The following LAMB1 variants were observed in gnomAD, a reference collection of about 807,000 sequenced individuals.
The protein encoded by LAMB1 is laminin subunit beta 1.
A neutral mutation model predicts 222.3 loss-of-function variants in LAMB1; 121 were observed. The ratio of observed to expected loss-of-function variants is 0.54; its 90% CI spans 0.47 to 0.63. LAMB1 has a LOEUF of 0.63. Ranked by LOEUF, LAMB1 falls within the 30% of genes least tolerant of loss-of-function variation. LAMB1 has a pLI of 0.00. For synonymous variants in LAMB1, 794 were observed against 807.2 expected, an observed-to-expected ratio of 0.98 and a Z score of 0.28; for missense variants, 2,172 against 2,240.8, an observed-to-expected ratio of 0.97 and a Z score of 0.62.
chr7:107,950,864 G>A (rs1274280864), intron 24 of LAMB1, among the ~76,000 whole-genome samples: 1 of 151,994 alleles, frequency 6.6e-6, no homozygotes. Flanking sequence ...CAAACATAGG[G>A]TTCACATGGT....
intron 13 of LAMB1, among the ~76,000 whole-genome samples, chr7:107,969,540 T>C (rs2033703032): frequency 6.6e-6 from 1 of 152,200 alleles, no homozygotes; most frequent in Admixed American, 6.5e-5. Flanking sequence ...TGGTAAGACC[T>C]ACGTCCTATA....
At chr7:107,945,736 C>T (rs373479167) in intron 24 of LAMB1, among the ~76,000 whole-genome samples, 1 of 152,222 alleles carries the variant, frequency 6.6e-6, no homozygotes, top group South Asian at 2.1e-4. Context: ...TACTTACCCC[C>T]ATAGGTTCTT....
intron 5 of LAMB1, among the ~76,000 whole-genome samples, chr7:107,991,698 C>T (rs1041875711): frequency 4.6e-5 from 7 of 152,098 alleles, no homozygotes; most frequent in African/African-American, 1.7e-4. Flanking sequence ...ATCATGAGGT[C>T]AGGAGTTCAA....
At chr7:107,966,242 G>A (rs1394535840) in intron 13 of LAMB1, among the ~76,000 whole-genome samples, 11 of 151,678 alleles carry the variant, frequency 7.3e-5, no homozygotes, top group Non-Finnish European at 1.5e-4. Context: ...ATGGAGTCTC[G>A]CACTGTCGCC....
In LAMB1 at chr7:107,986,274, C is replaced by T; in HGVS notation, c.513G>A (p.Glu171=). The change falls in exon 6 of 34, where the codon GAG becomes GAA. Residue 171 remains glutamate, a synonymous_variant. Transcript: ENST00000222399. ...CAGTTGAAATGCCTGGAAACGAGGC[C>T]TCACAGTCATAGGCGAAGTATCTAT... ...GVYRYFAYDC[E]ASFPGISTGP... 1 of 1,614,070 alleles carries T rather than the reference C, an allele frequency of 6.2e-7. No individual in the cohort carries two copies. Among genetic ancestry groups the T allele is most frequent in the Non-Finnish European group, 8.5e-7 (1 of 1,179,968 alleles).
chr7:107,975,478 CATA>C, intron 10 of LAMB1, 65 bp from the exon 11 acceptor site: 1 of 1,429,814 alleles, frequency 7.0e-7, no homozygotes, highest in African/African-American at 1.4e-5. Flanking sequence ...TGTATAAATA[CATA>C]TATTCCCTTC....
chr7:107,964,345 G>A (rs1386123092), intron 14 of LAMB1, among the ~76,000 whole-genome samples: 1 of 152,200 alleles, frequency 6.6e-6, no homozygotes, highest in East Asian at 1.9e-4. Context: ...AGCCTTATCA[G>A]TGAATGCTCC....
Position 107,978,568 on chromosome 7 carries a change from A to C in LAMB1, c.880-401T>G, listed in dbSNP as rs533447367. The stretch of plus-strand genomic sequence containing the variant: ...AATGCATACATACCACCTGGAAACC[A>C]ATTTATATTACTGCACGATTTACCA... On this transcript the variant is annotated intron_variant, in intron 8 of 33. Coordinates refer to ENST00000222399, the MANE Select transcript of LAMB1 (RefSeq NM_002291.3). 7.9e-5 allele frequency among the ~76,000 whole-genome samples: 12 copies of C among 152,302 alleles called. No homozygotes were observed. In the East Asian group the frequency reaches 2.1e-3, roughly 27 times the overall value.
intron 24 of LAMB1, among the ~76,000 whole-genome samples, chr7:107,950,606 T>C (rs1333055771): frequency 2.0e-5 from 3 of 152,318 alleles, no homozygotes; most frequent in African/African-American, 7.2e-5. Context: ...TTTATTCACA[T>C]TAAACTGACT....
At chr7:107,990,037 G>T (rs2528656) in intron 5 of LAMB1, among the ~76,000 whole-genome samples, 36,074 of 148,358 alleles carry the variant, frequency 0.24, 5,502 homozygotes, top group African/African-American at 0.46. Context: ...GTTTTTTTTT[G>T]TTTGTTTGTT....
intron 14 of LAMB1, among the ~76,000 whole-genome samples, chr7:107,963,913 A>G (rs982757735): frequency 6.6e-6 from 1 of 152,222 alleles, no homozygotes; most frequent in Non-Finnish European, 1.5e-5. Flanking sequence ...AGCCTGACCA[A>G]CATGATGAAA....
rs200599445 is a variant in LAMB1, at chr7:107,935,347, GTTTTTTTTTTT to G, written c.4188+57_4188+67del. ...GACAAAAGATGGTTTGTTTTTCTTT[GTTTTTTTTTTT>G]TTTTTTTTTTTTTTTGCTTGGCACC... On this transcript the variant is annotated intron_variant, in intron 27 of 33. Coordinates refer to ENST00000222399, the MANE Select transcript of LAMB1 (RefSeq NM_002291.3). 1.7e-4 allele frequency: 195 copies of G among 1,172,008 alleles called. 1 individual carries two copies. The highest frequency in any genetic ancestry group is 1.2e-3 in the Middle Eastern group (4 of 3,266). 72.6% of individuals were successfully genotyped at this position (1,172,008 alleles called of 1,614,324 possible).
chr7:107,964,923 T>C (rs1422788494), intron 13 of LAMB1, among the ~76,000 whole-genome samples: 1 of 152,264 alleles, frequency 6.6e-6, no homozygotes, highest in Non-Finnish European at 1.5e-5. Flanking sequence ...CTCTCTTGAC[T>C]AACACGCCGT....
intron 24 of LAMB1, among the ~76,000 whole-genome samples, chr7:107,944,922 A>C (rs1435655002): frequency 6.6e-6 from 1 of 152,188 alleles, no homozygotes; most frequent in East Asian, 1.9e-4. Flanking sequence ...TTCTCTCTTA[A>C]GAGAAAGGAA....
intron 7 of LAMB1, among the ~76,000 whole-genome samples, chr7:107,984,259 G>GT (rs1008901536): frequency 3.3e-5 from 5 of 151,624 alleles, no homozygotes; most frequent in African/African-American, 9.7e-5. Flanking sequence ...TCATTTTTTT[G>GT]TTTTTTTGAG....
In LAMB1 at chr7:107,975,036, G is replaced by A. The variant is rs779112912; in HGVS notation, c.1432C>T (p.His478Tyr). 5 of 1,613,206 alleles carry A rather than the reference G, an allele frequency of 3.1e-6. No individual in the cohort carries two copies. The South Asian group carries it at 3.3e-5, about 11-fold the overall frequency. The change falls in exon 12 of 34, where the codon CAC (histidine) becomes TAC (tyrosine). Residue 478 changes from histidine (H) to tyrosine (Y), a missense_variant. By Grantham distance (83) the His-to-Tyr change is moderately conservative. Coordinates refer to ENST00000222399, the MANE Select transcript of LAMB1 (RefSeq NM_002291.3). ...GTCACCAGACGCTTGCAGTAGCAGT[G>A]ACCTGTCTCGGAATCACAAGGATTC... ...GGNPCDSETGHCYCKRLVTGQ... is the reference protein window; with the variant it reads ...GGNPCDSETGYCYCKRLVTGQ...
intron 27 of LAMB1, among the ~76,000 whole-genome samples, chr7:107,934,920 A>AGGGG (rs1285622534): frequency 6.6e-4 from 4 of 6,042 alleles, no homozygotes; most frequent in Non-Finnish European, 1.2e-3. Context: ...AAAAAAAAAA[A>AGGGG]GCGGGGGTGG....
At position 107,935,427 on chromosome 7, in the gene LAMB1, G is replaced by C. The variant is rs143385719; in HGVS notation, c.4176C>G (p.Ala1392=). Residue 1392 remains alanine, a synonymous_variant, in exon 27 of 34, where the codon GCC becomes GCG. Coordinates refer to ENST00000222399, the MANE Select transcript of LAMB1 (RefSeq NM_002291.3). ...AGKLQSLDLS[A]AAEMTCGTPP... ...CCCCAAACCTTACCATTTCGGCAGC[G>C]GCTGAAAGGTCTAGGCTTTGTAGCT... 1.3e-6 allele frequency: 2 copies of C among 1,594,690 alleles called. No homozygotes were observed. The highest frequency in any genetic ancestry group is 1.1e-5 in the South Asian group (1 of 90,670).
chr7:107,963,249 C>A (rs2033552443), intron 14 of LAMB1, among the ~76,000 whole-genome samples, 186 bp from the exon 15 acceptor site: 1 of 152,142 alleles, frequency 6.6e-6, no homozygotes, highest in African/African-American at 2.4e-5. Context: ...AAACTGGTTT[C>A]TTTTTAGTTT....
Sources: allele counts gnomAD v4.1 joint callset (sites outside exome capture counted in the v4.1 genomes callset), GRCh38; gene constraint gnomAD v4.1.1; transcripts MANE v1.5; gene names NCBI Gene and HGNC (gene_info 2026-07-23, HGNC 2026-07-21).